The following DAB1 variants were observed in gnomAD, a reference collection of about 807,000 sequenced individuals.
DAB1 encodes the protein disabled homolog 1.
A neutral mutation model predicts 64.6 loss-of-function variants in DAB1; 15 were observed. That is an observed-to-expected ratio of 0.23 (90% CI 0.16 to 0.36). The LOEUF is 0.36. Ranked by LOEUF, DAB1 falls within the 10% of genes least tolerant of loss-of-function variation. The probability of loss-of-function intolerance (pLI) is 1.00; values close to 1 mark genes in which losing one functional copy is unlikely to be tolerated. For missense variants in DAB1, 596 were observed against 706.7 expected (o/e 0.84, Z 1.78); for synonymous variants, 235 against 251.9 (o/e 0.93, Z 0.64).
chr1:57,111,231 C>T (rs1308950748), intron 4 of DAB1, among the ~76,000 whole-genome samples: 1 of 152,084 alleles, frequency 6.6e-6, no homozygotes, highest in African/African-American at 2.4e-5. Context: ...CTCCAGCCCT[C>T]ACAGGCCACG....
At chr1:57,627,411 C>T (rs1018844552) in intron 7 of DAB1, among the ~76,000 whole-genome samples, 3 of 152,170 alleles carry the variant, frequency 2.0e-5, no homozygotes, top group Admixed American at 6.5e-5. Context: ...CTCACTAATA[C>T]ACCATGTCTC....
chr1:57,480,611 A>C (rs1037382377), intron 7 of DAB1, among the ~76,000 whole-genome samples: 42 of 151,966 alleles, frequency 2.8e-4, no homozygotes, highest in Non-Finnish European at 5.1e-4. Context: ...CAGCCTCCCA[A>C]GGAGCTGGGA....
At chr1:58,292,085 G>A (rs1346855968) in intron 4 of DAB1, among the ~76,000 whole-genome samples, 1 of 152,096 alleles carries the variant, frequency 6.6e-6, no homozygotes, top group Non-Finnish European at 1.5e-5. Flanking sequence ...GCTTGATTGG[G>A]GAAATTTTGC....
chr1:57,333,868 C>T (rs911697525), intron 1 of DAB1, among the ~76,000 whole-genome samples: 7 of 152,262 alleles, frequency 4.6e-5, no homozygotes, highest in Non-Finnish European at 7.4e-5. Context: ...TATAAGTGAA[C>T]GTCTACTCCA....
rs1447741565 is a variant in DAB1 at position 57,053,688 on chromosome 1, A to ATATATATTTTT, written c.723+9195_723+9196insAAAAATATATA. 2.8e-4 allele frequency among the ~76,000 whole-genome samples: 20 copies of ATATATATTTTT among 71,396 alleles called. 1 individual carries two copies. The East Asian group carries it at 3.3e-3, about 12-fold the overall frequency. The allele number at this position is 71,396 out of a possible 152,430, so 46.8% of individuals were successfully genotyped here. ...TATGTATATATATATATATATATAT[A>ATATATATTTTT]TTTTTTTTTTTTTTTTTGAGACGGA... On this transcript the variant is annotated intron_variant, in intron 9 of 14. Coordinates refer to ENST00000371236, the MANE Select transcript of DAB1 (RefSeq NM_001365792.1).
intron 2 of DAB1, among the ~76,000 whole-genome samples, chr1:57,273,709 G>A (rs1671235628): frequency 6.8e-6 from 1 of 146,994 alleles, no homozygotes; most frequent in Admixed American, 7.1e-5. Flanking sequence ...GCCGCCCCTG[G>A]CTGCTTCCCT....
intron 6 of DAB1, among the ~76,000 whole-genome samples, chr1:57,766,161 C>T (rs1381235875): frequency 6.6e-6 from 1 of 151,994 alleles, no homozygotes; most frequent in Non-Finnish European, 1.5e-5. Context: ...ACAGCTAATG[C>T]TACCACCATC....
chr1:58,521,812 C>A (rs1646269215), intron 2 of DAB1, among the ~76,000 whole-genome samples: 1 of 151,986 alleles, frequency 6.6e-6, no homozygotes, highest in South Asian at 2.1e-4. Context: ...ATGGCTTTAC[C>A]CAGGAATTCT....
At chr1:58,364,362 G>A (rs1415425645) in intron 3 of DAB1, among the ~76,000 whole-genome samples, 2 of 152,182 alleles carry the variant, frequency 1.3e-5, no homozygotes, top group African/African-American at 2.4e-5. Flanking sequence ...AACAAATGGG[G>A]AGCAGAAAGT....
chr1:57,144,059 T>A (rs1008050900), intron 3 of DAB1, among the ~76,000 whole-genome samples: 1 of 151,790 alleles, frequency 6.6e-6, no homozygotes, highest in East Asian at 1.9e-4. Flanking sequence ...TCATATATTA[T>A]ATATGTAAAA....
intron 9 of DAB1, among the ~76,000 whole-genome samples, chr1:57,026,293 T>G (rs1043184969): frequency 1.3e-5 from 2 of 152,206 alleles, no homozygotes; most frequent in Admixed American, 1.3e-4. Flanking sequence ...CATTAATCAC[T>G]TCCCATAAGC....
chr1:57,381,594 T>C (rs1681383169), intron 1 of DAB1, among the ~76,000 whole-genome samples: 1 of 152,140 alleles, frequency 6.6e-6, no homozygotes. Context: ...CCCCGTCACA[T>C]CCTAACAAAA....
intron 4 of DAB1, among the ~76,000 whole-genome samples, chr1:58,230,778 G>A (rs921277665): frequency 2.6e-5 from 4 of 152,204 alleles, no homozygotes; most frequent in African/African-American, 9.6e-5. Flanking sequence ...GCTTAATAAA[G>A]GTGTAACACA....
At chr1:57,575,998 C>A (rs1166994631) in intron 7 of DAB1, among the ~76,000 whole-genome samples, 1 of 152,174 alleles carries the variant, frequency 6.6e-6, no homozygotes, top group East Asian at 1.9e-4. Context: ...GACATAAATT[C>A]ATTCCAGATG....
intron 5 of DAB1, among the ~76,000 whole-genome samples, chr1:57,931,016 T>A (rs950659599): frequency 2.0e-5 from 3 of 152,166 alleles, no homozygotes; most frequent in African/African-American, 7.2e-5. Context: ...TTTCTCAAAT[T>A]GAGGGAGTTT....
chr1:57,762,583 T>G (rs1014304729), intron 6 of DAB1, among the ~76,000 whole-genome samples: 1 of 152,136 alleles, frequency 6.6e-6, no homozygotes, highest in Non-Finnish European at 1.5e-5. Flanking sequence ...AAAAAAAAAT[T>G]CAGAATGGGC....
intron 7 of DAB1, among the ~76,000 whole-genome samples, chr1:57,596,935 C>T (rs1192610210): frequency 6.6e-6 from 1 of 152,162 alleles, no homozygotes; most frequent in Non-Finnish European, 1.5e-5. Context: ...GTTTACATTC[C>T]AGTGCCTAAC....
At chr1:58,002,332 T>C (rs937515372) in intron 5 of DAB1, among the ~76,000 whole-genome samples, 6 of 152,228 alleles carry the variant, frequency 3.9e-5, no homozygotes, top group Admixed American at 2.0e-4. Context: ...TTTTAATTGT[T>C]TGTTTTTCTT....
intron 1 of DAB1, among the ~76,000 whole-genome samples, chr1:57,336,457 A>C (rs1450579126): frequency 2.0e-5 from 3 of 152,224 alleles, no homozygotes; most frequent in Non-Finnish European, 2.9e-5. Flanking sequence ...AAGTATGCTA[A>C]TGTTACCAGG....
Sources: gnomAD v4.1 joint callset for allele counts (sites outside exome capture counted in the v4.1 genomes callset) on GRCh38, gnomAD v4.1.1 for gene constraint, MANE v1.5 for transcripts, NCBI Gene and HGNC (gene_info 2026-07-23, HGNC 2026-07-21) for gene names.